Variants in CSMD1 observed in about 807,000 individuals in gnomAD.
CSMD1 encodes CUB and Sushi multiple domains 1.
A neutral mutation model predicts 417.5 loss-of-function variants in CSMD1; 213 were observed. The ratio of observed to expected loss-of-function variants is 0.51; its 90% CI spans 0.46 to 0.57. The LOEUF (loss-of-function observed/expected upper bound fraction) is 0.57, where lower values mean the gene tolerates loss of function less well. Among genes scored for constraint, CSMD1 ranks in the 20% least tolerant of loss-of-function variants. CSMD1 has a pLI of 0.00. For missense variants in CSMD1, 6,923 were observed against 4,529.7 expected (o/e 1.53, Z -15.17); for synonymous variants, 2,862 against 1,736.8 (o/e 1.65, Z -16.11).
At chr8:4,747,559 C>G (rs999050147) in intron 1 of CSMD1, among the ~76,000 whole-genome samples, 5 of 152,302 alleles carry the variant, frequency 3.3e-5, no homozygotes, top group African/African-American at 1.2e-4. Flanking sequence ...GATCCTCCTA[C>G]GGTGACTATA....
Position 4,873,722 on chromosome 8 carries a change from T to G in CSMD1, c.85+120610A>C, listed in dbSNP as rs1305592152. On this transcript the variant is annotated intron_variant, in intron 1 of 69. Transcript: ENST00000635120. Reference sequence around the variant, plus strand: ...TAATCAAACTAAACCAATATTTGGCTTCAAGGAGCTCAAAGCCTTGAAAAA... The same window carrying G: ...TAATCAAACTAAACCAATATTTGGCGTCAAGGAGCTCAAAGCCTTGAAAAA... Among the ~76,000 whole-genome samples the G allele has an allele frequency of 3.9e-5, 6 of 152,238 alleles. No homozygotes were observed. In the East Asian group the frequency reaches 1.2e-3, roughly 29 times the overall value.
intron 3 of CSMD1, among the ~76,000 whole-genome samples, chr8:4,120,481 T>C (rs569098982): frequency 6.6e-6 from 1 of 152,298 alleles, no homozygotes; most frequent in South Asian, 2.1e-4. Flanking sequence ...ACACAAATGC[T>C]AGAAGAAGAA....
intron 3 of CSMD1, among the ~76,000 whole-genome samples, chr8:4,150,456 G>A (rs572496225): frequency 6.6e-6 from 1 of 152,162 alleles, no homozygotes; most frequent in South Asian, 2.1e-4. Flanking sequence ...CTTTTACCGG[G>A]GCTTAGAACT....
chr8:4,647,583 A>G (rs756557529), intron 1 of CSMD1, among the ~76,000 whole-genome samples: 3 of 150,698 alleles, frequency 2.0e-5, no homozygotes, highest in Non-Finnish European at 4.4e-5. Context: ...ACCCCCCAAT[A>G]TGTCCTGGTG....
At chr8:4,185,772 C>A (rs770620498) in intron 3 of CSMD1, among the ~76,000 whole-genome samples, 4 of 152,158 alleles carry the variant, frequency 2.6e-5, no homozygotes, top group Non-Finnish European at 5.9e-5. Flanking sequence ...ATATCCCCTA[C>A]CAGTGGAAAT....
intron 26 of CSMD1, among the ~76,000 whole-genome samples, chr8:3,265,332 C>G (rs1217604642): frequency 6.6e-6 from 1 of 152,190 alleles, no homozygotes; most frequent in Admixed American, 6.5e-5. Flanking sequence ...TATGTATGAC[C>G]TGTGCACGCA....
intron 68 of CSMD1, among the ~76,000 whole-genome samples, chr8:2,947,043 T>G (rs891648130): frequency 2.0e-5 from 3 of 152,246 alleles, no homozygotes; most frequent in South Asian, 2.1e-4. Context: ...TATTCAAATC[T>G]TTGGTCAATT....
At chr8:3,607,506 G>C (rs1036977444) in intron 8 of CSMD1, among the ~76,000 whole-genome samples, 3 of 152,296 alleles carry the variant, frequency 2.0e-5, no homozygotes, top group African/African-American at 7.2e-5. Context: ...GTGACTGGCA[G>C]CACAGTACAT....
chr8:3,587,335 T>G (rs1465796669), intron 8 of CSMD1, among the ~76,000 whole-genome samples: 3 of 152,208 alleles, frequency 2.0e-5, no homozygotes, highest in Non-Finnish European at 4.4e-5. Context: ...GTAGGCTTAT[T>G]TAACTCTCTG....
At chr8:4,366,805 C>T (rs1008916223) in intron 3 of CSMD1, among the ~76,000 whole-genome samples, 2 of 152,004 alleles carry the variant, frequency 1.3e-5, no homozygotes, top group African/African-American at 2.4e-5. Flanking sequence ...TGTGCTGCAC[C>T]CATTAACTCG....
intron 49 of CSMD1, among the ~76,000 whole-genome samples, chr8:3,054,146 G>A (rs1237548311): frequency 1.3e-5 from 2 of 152,162 alleles, no homozygotes; most frequent in African/African-American, 2.4e-5. Flanking sequence ...GGTATTGTTG[G>A]AGTTCCTTGG....
chr8:3,481,188 G>A (rs931586907), intron 11 of CSMD1, among the ~76,000 whole-genome samples: 1 of 146,772 alleles, frequency 6.8e-6, no homozygotes, highest in African/African-American at 2.5e-5. Context: ...AACCAGAGTA[G>A]TTGGTAGACC....
At chr8:4,570,490 G>A (rs983082918) in intron 2 of CSMD1, among the ~76,000 whole-genome samples, 28 of 152,092 alleles carry the variant, frequency 1.8e-4, no homozygotes, top group Non-Finnish European at 2.8e-4. Flanking sequence ...GAAGCTGACT[G>A]GATCATGTTG....
chr8:3,744,264 G>T (rs377427481), intron 6 of CSMD1, among the ~76,000 whole-genome samples: 1 of 152,136 alleles, frequency 6.6e-6, no homozygotes, highest in East Asian at 1.9e-4. Context: ...TTTGGAATAC[G>T]GATCAAAAGA....
intron 3 of CSMD1, among the ~76,000 whole-genome samples, chr8:4,405,619 AG>A (rs1804961657): frequency 6.6e-6 from 1 of 152,244 alleles, no homozygotes. Context: ...AAAGAAAAAA[AG>A]AAAAACAAGG....
At chr8:3,644,974 A>AT in intron 7 of CSMD1, among the ~76,000 whole-genome samples, 1 of 150,540 alleles carries the variant, frequency 6.6e-6, no homozygotes, top group Non-Finnish European at 1.5e-5. Flanking sequence ...ATGAAAAAAA[A>AT]AAAAAAAAAA....
chr8:4,705,911 T>C lies in CSMD1; in HGVS notation c.86-68353A>G, dbSNP rs117616476. 2.2e-3 allele frequency among the ~76,000 whole-genome samples: 329 copies of C among 152,204 alleles called. 1 individual carries two copies. Among genetic ancestry groups the C allele is most frequent in the Non-Finnish European group, 4.2e-3 (283 of 67,998 alleles). On this transcript the variant is annotated intron_variant, in intron 1 of 69. Transcript: ENST00000635120. ...CTATTGGAAAAATAGTTTAACTAGG[T>C]CTATTGTTGGTGCTGCTTATTTGAT...
At chr8:4,443,107 G>A (rs889431974) in intron 2 of CSMD1, among the ~76,000 whole-genome samples, 4 of 152,074 alleles carry the variant, frequency 2.6e-5, no homozygotes, top group Non-Finnish European at 4.4e-5. Flanking sequence ...GAATATAAAA[G>A]GGCTGTAAAA....
chr8:3,378,156 G>A (rs1444834526), intron 18 of CSMD1, among the ~76,000 whole-genome samples: 1 of 152,178 alleles, frequency 6.6e-6, no homozygotes, highest in Non-Finnish European at 1.5e-5. Flanking sequence ...TATTTTCTAG[G>A]TCACCTGCTG....
Sources: gnomAD v4.1 joint callset for allele counts (sites outside exome capture counted in the v4.1 genomes callset) on GRCh38, gnomAD v4.1.1 for gene constraint, MANE v1.5 for transcripts, NCBI Gene and HGNC (gene_info 2026-07-23, HGNC 2026-07-21) for gene names.